Variants in HOMER1 observed in about 807,000 individuals in gnomAD.
HOMER1 encodes the protein homer protein homolog 1.
In HOMER1, 3 loss-of-function variants were observed where a neutral mutation model predicts 48.9. That is an observed-to-expected ratio of 0.06 (90% CI 0.03 to 0.16). HOMER1 has a LOEUF of 0.16. Among genes scored for constraint, HOMER1 ranks in the 10% least tolerant of loss-of-function variants. The pLI, the probability that HOMER1 is intolerant of heterozygous loss-of-function variation, is 1.00. For synonymous variants in HOMER1, 134 were observed against 146.4 expected (o/e 0.92, Z 0.61); for missense variants, 247 against 411.4 (o/e 0.60, Z 3.46).
At chr5:79,470,799 G>A (rs758673441) in intron 1 of HOMER1, among the ~76,000 whole-genome samples, 3 of 152,046 alleles carry the variant, frequency 2.0e-5, no homozygotes, top group Non-Finnish European at 2.9e-5. Context: ...CATATCAAAA[G>A]CCACTATATA....
In HOMER1 at chr5:79,500,963, G is replaced by GACACACACACACAC. The variant is rs140189642; in HGVS notation, c.5+11793_5+11806dup. Reference sequence around the variant, plus strand: ...TGTGTGTGTGTGTGTGAGACAGACAGACACACACACACACACACACACACA... The same window carrying GACACACACACACAC: ...TGTGTGTGTGTGTGTGAGACAGACAGACACACACACACACACACACACACACACACACACACACA... On this transcript the variant is annotated intron_variant, in intron 1 of 8. Transcript: ENST00000334082. 3.0e-3 allele frequency among the ~76,000 whole-genome samples: 301 copies of GACACACACACACAC among 101,676 alleles called. 2 individuals are homozygous for GACACACACACACAC. Among genetic ancestry groups the GACACACACACACAC allele is most frequent in the African/African-American group, 9.5e-3 (284 of 29,884 alleles). 66.7% of individuals were successfully genotyped at this position (101,676 alleles called of 152,430 possible). A position where few individuals can be genotyped will look rare whatever the true frequency, so the allele number is the denominator to read the frequency against.
At chr5:79,471,262 G>C (rs1357036589) in intron 1 of HOMER1, among the ~76,000 whole-genome samples, 1 of 152,122 alleles carries the variant, frequency 6.6e-6, no homozygotes, top group East Asian at 1.9e-4. Context: ...GCCTAAAGGA[G>C]GCCAGGAGCG....
chr5:79,506,715 T>C (rs1752778358), intron 1 of HOMER1, among the ~76,000 whole-genome samples: 1 of 152,050 alleles, frequency 6.6e-6, no homozygotes, highest in Admixed American at 6.6e-5. Flanking sequence ...TGTGAGCCTA[T>C]AGTCCCAGCT....
intron 1 of HOMER1, among the ~76,000 whole-genome samples, chr5:79,460,286 A>G (rs1367665667): frequency 6.6e-6 from 1 of 152,168 alleles, no homozygotes; most frequent in Non-Finnish European, 1.5e-5. Flanking sequence ...AGGCAACATG[A>G]CAAAACCAAA....
In HOMER1 at chr5:79,478,779, G is replaced by A. The variant is rs1336176782; in HGVS notation, c.6-21761C>T. The stretch of plus-strand genomic sequence containing the variant: ...CCAGCCTGACCAACATGGTGAAACC[G>A]TATCTCTACTAAAAATACAAAAATT... On this transcript the variant is annotated intron_variant, in intron 1 of 8. Transcript: ENST00000334082. Among the ~76,000 whole-genome samples the A allele has an allele frequency of 3.9e-5, 6 of 152,034 alleles. No homozygotes were observed. In the East Asian group the frequency reaches 7.7e-4, roughly 20 times the overall value.
chr5:79,396,900 T>C lies in HOMER1; in HGVS notation c.799A>G (p.Ile267Val), dbSNP rs1359419260. ...EETLKLKEEEIERLKQEIDNA... is the reference protein window; with the variant it reads ...EETLKLKEEEVERLKQEIDNA... ...TCAATTTCTTGTTTTAACCTTTCTATTTCCTAGAAAAGACAGAGCAATGTC... is the reference window on the plus strand; with the variant it reads ...TCAATTTCTTGTTTTAACCTTTCTACTTCCTAGAAAAGACAGAGCAATGTC... The change falls in exon 8 of 9, where the codon ATA (isoleucine) becomes GTA (valine). Residue 267 changes from isoleucine to valine, a missense_variant. By Grantham distance (29) the Ile-to-Val change is conservative (BLOSUM62 3). Around this residue, in one of 4 missense-constraint regions of HOMER1, gnomAD observed 113 missense variants for 152.5 expected, o/e 0.74. Coordinates refer to ENST00000334082, the MANE Select transcript of HOMER1 (RefSeq NM_004272.5). 3.8e-6 allele frequency: 6 copies of C among 1,571,030 alleles called. No homozygotes were observed. Among genetic ancestry groups the C allele is most frequent in the Non-Finnish European group, 4.4e-6 (5 of 1,144,316 alleles).
intron 4 of HOMER1, among the ~76,000 whole-genome samples, chr5:79,445,126 T>C (rs1256097114): frequency 6.6e-6 from 1 of 152,204 alleles, no homozygotes; most frequent in Non-Finnish European, 1.5e-5. Context: ...TAAATAATTT[T>C]CTAAACTGTT....
chr5:79,379,201 TATTA>T (rs1748878788), intron 8 of HOMER1, among the ~76,000 whole-genome samples: 1 of 99,412 alleles, frequency 1.0e-5, no homozygotes, highest in Admixed American at 1.4e-4. Flanking sequence ...CTATAATATA[TATTA>T]TATATATTTT....
At chr5:79,466,116 C>A (rs987250722) in intron 1 of HOMER1, among the ~76,000 whole-genome samples, 1 of 152,130 alleles carries the variant, frequency 6.6e-6, no homozygotes, top group Non-Finnish European at 1.5e-5. Context: ...TATTAAATAA[C>A]TGCCAAGTGA....
intron 1 of HOMER1, among the ~76,000 whole-genome samples, chr5:79,463,443 A>T (rs370276420): frequency 3.3e-5 from 5 of 152,362 alleles, no homozygotes; most frequent in African/African-American, 1.2e-4. Flanking sequence ...GACCAAAGCC[A>T]ACATTCTCTG....
chr5:79,468,954 A>G (rs1359805843), intron 1 of HOMER1, among the ~76,000 whole-genome samples: 1 of 152,210 alleles, frequency 6.6e-6, no homozygotes, highest in Admixed American at 6.5e-5. Flanking sequence ...TCTGAGCGCA[A>G]CAAATTGCTA....
chr5:79,498,868 T>C (rs1345979921), intron 1 of HOMER1, among the ~76,000 whole-genome samples: 1 of 145,916 alleles, frequency 6.9e-6, no homozygotes, highest in East Asian at 2.1e-4. Context: ...AGAGTCTCGC[T>C]CTGTCGCCAG....
At chr5:79,469,838 C>T (rs1462785723) in intron 1 of HOMER1, among the ~76,000 whole-genome samples, 1 of 152,010 alleles carries the variant, frequency 6.6e-6, no homozygotes, top group African/African-American at 2.4e-5. Flanking sequence ...AAACTATAGA[C>T]AAAACTCTTT....
At chr5:79,465,356 T>C (rs943711394) in intron 1 of HOMER1, among the ~76,000 whole-genome samples, 1 of 151,776 alleles carries the variant, frequency 6.6e-6, no homozygotes, top group Non-Finnish European at 1.5e-5. Context: ...GAAAAAAAAA[T>C]GTATGATCTG....
In HOMER1 at chr5:79,439,006, G is replaced by A. The variant is rs1750668689; in HGVS notation, c.527+4C>T. 6.2e-7 allele frequency: 1 copy of A among 1,611,512 alleles called. No individual in the cohort carries two copies. The highest frequency in any genetic ancestry group is 1.1e-5 in the South Asian group (1 of 91,012). ...TAATCATAATTGCTGAATTGAATCT[G>A]TACCTATGTGAAAATGGCAATGCAT... On this transcript the variant is annotated splice_donor_region_variant and intron_variant, in intron 5 of 8. Transcript: ENST00000334082.
chr5:79,460,984 A>C (rs1184114972), intron 1 of HOMER1, among the ~76,000 whole-genome samples: 1 of 152,218 alleles, frequency 6.6e-6, no homozygotes, highest in African/African-American at 2.4e-5. Context: ...AGATGAAGTC[A>C]GTTTTGAAGG....
At chr5:79,447,899 A>G (rs1750927026) in intron 3 of HOMER1, among the ~76,000 whole-genome samples, 3 of 152,184 alleles carry the variant, frequency 2.0e-5, no homozygotes, top group Non-Finnish European at 2.9e-5. Context: ...CTACATAATA[A>G]CTACATGTAA....
intron 2 of HOMER1, among the ~76,000 whole-genome samples, chr5:79,454,887 C>T (rs1210218123): frequency 6.6e-6 from 1 of 152,128 alleles, no homozygotes; most frequent in South Asian, 2.1e-4. Context: ...CCTAAATTTA[C>T]TTACTTTTCA....
intron 1 of HOMER1, among the ~76,000 whole-genome samples, chr5:79,481,862 T>C (rs554660675): frequency 6.6e-6 from 1 of 152,352 alleles, no homozygotes; most frequent in East Asian, 1.9e-4. Context: ...AAGTAAGCTT[T>C]GAAAAGATCA....
Sources: allele counts gnomAD v4.1 joint callset (sites outside exome capture counted in the v4.1 genomes callset), GRCh38; gene constraint gnomAD v4.1.1; regional missense constraint gnomAD v4.1.1; transcripts MANE v1.5; gene names NCBI Gene and HGNC (gene_info 2026-07-23, HGNC 2026-07-21).